Variants in RTF1 observed in about 807,000 individuals in gnomAD.
RTF1 encodes the protein RTF1 homolog, Paf1/RNA polymerase II complex component.
In RTF1, 10 loss-of-function variants were observed where a neutral mutation model predicts 95.7. The observed-to-expected ratio is 0.10, with a 90% CI of 0.06 to 0.18. The LOEUF is 0.18. Among genes scored for constraint, RTF1 ranks in the 10% least tolerant of loss-of-function variants. The probability of loss-of-function intolerance (pLI) is 1.00; values close to 1 mark genes in which losing one functional copy is unlikely to be tolerated. For synonymous variants in RTF1, 305 were observed against 311.8 expected (o/e 0.98, Z 0.23); for missense variants, 458 against 875.6 (o/e 0.52, Z 6.02).
intron 8 of RTF1, among the ~76,000 whole-genome samples, chr15:41,473,466 T>C (rs1279285101): frequency 6.6e-6 from 1 of 150,596 alleles, no homozygotes; most frequent in Non-Finnish European, 1.5e-5. Context: ...TTTGAGACAG[T>C]GTCTTAACCA....
chr15:41,474,826 G>A, intron 9 of RTF1, 124 bp downstream of exon 9: 1 of 752,844 alleles, frequency 1.3e-6, no homozygotes, highest in South Asian at 1.5e-5. Flanking sequence ...TCCCCACAAG[G>A]TACACTTGGA....
chr15:41,417,527 C>T (rs886681227), intron 1 of RTF1, among the ~76,000 whole-genome samples: 22 of 152,174 alleles, frequency 1.4e-4, no homozygotes, highest in African/African-American at 5.3e-4. Context: ...GACTTGGCGC[C>T]TTGGGCGGGG....
intron 2 of RTF1, among the ~76,000 whole-genome samples, chr15:41,440,567 G>A (rs909639352): frequency 2.8e-5 from 4 of 144,844 alleles, no homozygotes; most frequent in Non-Finnish European, 3.0e-5. Context: ...TCAGCTCACT[G>A]CAACCTCTGC....
chr15:41,457,888 C>T lies in RTF1; in HGVS notation c.662+12C>T. 1 of 1,606,674 alleles carries T rather than the reference C, an allele frequency of 6.2e-7. No homozygotes were observed. The highest frequency in any genetic ancestry group is 1.1e-5 in the South Asian group (1 of 90,800). ...GTGTTGAAAAGAAGGTAAGGTTGTC[C>T]TCGTCGTTGTCCCCCCCCCGCCCCC... On this transcript the variant is annotated intron_variant, in intron 4 of 17. Transcript: ENST00000389629.
intron 1 of RTF1, among the ~76,000 whole-genome samples, chr15:41,431,644 T>A (rs764084293): frequency 2.6e-5 from 4 of 151,984 alleles, no homozygotes; most frequent in Non-Finnish European, 5.9e-5. Flanking sequence ...ACTATAGGCA[T>A]GTGCCACCAC....
At chr15:41,477,065 C>T in intron 12 of RTF1, 100 bp from the exon 13 acceptor site, 5 of 1,467,778 alleles carry the variant, frequency 3.4e-6, no homozygotes, top group South Asian at 1.2e-5. Flanking sequence ...CTTTGCTCAC[C>T]ACATGAGATA....
intron 4 of RTF1, among the ~76,000 whole-genome samples, chr15:41,462,827 C>T (rs2050857854): frequency 6.6e-6 from 1 of 152,128 alleles, no homozygotes; most frequent in Admixed American, 6.5e-5. Flanking sequence ...ATGATTATAG[C>T]TCATTGAAGC....
intron 2 of RTF1, 81 bp downstream of exon 2, chr15:41,438,512 C>A (rs2050716506): frequency 1.2e-6 from 1 of 851,600 alleles, no homozygotes; most frequent in Middle Eastern, 3.5e-4. Context: ...GGCCTCATTT[C>A]CTTAAATGGA....
rs1024531926 is a variant in RTF1, at chr15:41,464,861, A to G, written c.753A>G (p.Lys251=). 1.4e-5 allele frequency: 22 copies of G among 1,534,794 alleles called. No homozygotes were observed. Among genetic ancestry groups the G allele is most frequent in the Non-Finnish European group, 1.8e-5 (21 of 1,143,690 alleles). ...AAGAAGAGGAGCAAGAAAAGAAAAA[A>G]CTGACACAGATTCAAGAATCTCAGG... ...KKQEEEQEKK[K]LTQIQESQVT... Residue 251 remains lysine (K), a synonymous_variant, in exon 5 of 18, where the codon AAA becomes AAG. Transcript: ENST00000389629.
At chr15:41,440,642 A>G (rs530376275) in intron 2 of RTF1, among the ~76,000 whole-genome samples, 3 of 151,666 alleles carry the variant, frequency 2.0e-5, no homozygotes, top group South Asian at 4.2e-4. Context: ...GGCGCATGTC[A>G]CCACACCCAG....
chr15:41,440,989 T>TG (rs2050731138), intron 2 of RTF1, among the ~76,000 whole-genome samples: 1 of 148,410 alleles, frequency 6.7e-6, no homozygotes, highest in African/African-American at 2.5e-5. Flanking sequence ...TTTTTTTTTT[T>TG]GAGACGGAGT....
At chr15:41,443,828 G>A (rs1388925589) in intron 2 of RTF1, among the ~76,000 whole-genome samples, 1 of 152,072 alleles carries the variant, frequency 6.6e-6, no homozygotes, top group African/African-American at 2.4e-5. Context: ...AGCACTTTGG[G>A]AGGCCGAGAC....
chr15:41,479,483 C>T (rs118120972), intron 16 of RTF1, among the ~76,000 whole-genome samples: 110 of 152,288 alleles, frequency 7.2e-4, no homozygotes, highest in East Asian at 6.4e-3. Flanking sequence ...CTACTGTATA[C>T]CCTGCCAGCT....
intron 3 of RTF1, among the ~76,000 whole-genome samples, chr15:41,455,889 A>G (rs986154655): frequency 2.6e-5 from 4 of 151,854 alleles, no homozygotes; most frequent in African/African-American, 9.7e-5. Flanking sequence ...AGATACACCA[A>G]AATCTCAGAA....
rs1260527541 is a variant in RTF1 at position 41,482,323 on chromosome 15, T to TAC, written c.*1637_*1638dup. ...AGAACAAAGTACAGCTGACTATATA[T>TAC]ACCAAGAGCTAAGCTAAAGGAACAG... On this transcript the variant is annotated 3_prime_UTR_variant, in exon 18 of 18. Coordinates refer to ENST00000389629, the MANE Select transcript of RTF1 (RefSeq NM_015138.5). The TAC allele has an allele frequency of 6.6e-6, 1 of 152,546 alleles. No homozygotes were observed. The highest frequency in any genetic ancestry group is 2.4e-5 in the African/African-American group (1 of 41,424). 9.4% of individuals were successfully genotyped at this position (152,546 alleles called of 1,614,324 possible). A position where few individuals can be genotyped will look rare whatever the true frequency, so the allele number is the denominator to read the frequency against.
intron 2 of RTF1, among the ~76,000 whole-genome samples, chr15:41,440,490 C>CTTTTTTT (rs1271679997): frequency 1.7e-5 from 2 of 117,952 alleles, no homozygotes; most frequent in Non-Finnish European, 3.6e-5. Flanking sequence ...CGCCTGGCCT[C>CTTTTTTT]TTTTTTTTTT....
At chr15:41,433,216 C>T (rs1051220492) in intron 1 of RTF1, among the ~76,000 whole-genome samples, 14 of 152,106 alleles carry the variant, frequency 9.2e-5, no homozygotes, top group Admixed American at 9.2e-4. Flanking sequence ...CCACTATACT[C>T]CAGCCTGGGA....
intron 2 of RTF1, among the ~76,000 whole-genome samples, chr15:41,446,645 C>G (rs140352281): frequency 3.3e-5 from 5 of 152,138 alleles, no homozygotes; most frequent in Admixed American, 2.6e-4. Flanking sequence ...TTGTCTTATT[C>G]TCTCTCCTTT....
rs558390446 is a variant in RTF1, at chr15:41,419,191, A to C, written c.198+1878A>C. On this transcript the variant is annotated intron_variant, in intron 1 of 17. Coordinates refer to ENST00000389629, the MANE Select transcript of RTF1 (RefSeq NM_015138.5). ...GGTAGATAATTTTAGACTGGCAATTAGAAGGAGTAGAATCTATTTTTTTCT... is the reference window on the plus strand; with the variant it reads ...GGTAGATAATTTTAGACTGGCAATTCGAAGGAGTAGAATCTATTTTTTTCT... Among the ~76,000 whole-genome samples, 5 of 152,352 alleles carry C rather than the reference A, an allele frequency of 3.3e-5. No homozygotes were observed. In the East Asian group the frequency reaches 9.6e-4, roughly 29 times the overall value.
Sources: gnomAD v4.1 joint callset for allele counts (sites outside exome capture counted in the v4.1 genomes callset) on GRCh38, gnomAD v4.1.1 for gene constraint, MANE v1.5 for transcripts, NCBI Gene and HGNC (gene_info 2026-07-23, HGNC 2026-07-21) for gene names.